IMPDH2: variants seen among roughly 807,000 people sequenced by gnomAD.
The protein encoded by IMPDH2 is inosine-5'-monophosphate dehydrogenase 2.
IMPDH2 carries 33 observed loss-of-function variants against 57.8 expected under a neutral mutation model. The ratio of observed to expected loss-of-function variants is 0.57; its 90% CI spans 0.43 to 0.76. IMPDH2 has a LOEUF of 0.76. Ranked by LOEUF, IMPDH2 falls within the 30% of genes least tolerant of loss-of-function variation. The pLI is 0.00. For missense variants in IMPDH2, 446 were observed against 659.1 expected (o/e 0.68, Z 3.54); for synonymous variants, 270 against 241.3 (o/e 1.12, Z -1.10).
At chr3:49,024,624 G>A in intron 12 of IMPDH2, 35 bp downstream of exon 12, 4 of 1,614,208 alleles carry the variant, frequency 2.5e-6, no homozygotes, top group Non-Finnish European at 3.4e-6. Flanking sequence ...CCCTGGACCA[G>A]CCCCTCTACC....
In IMPDH2 at chr3:49,029,318, G is replaced by A. The variant is rs916795121; in HGVS notation, c.33C>T (p.Ser11=). Reference sequence around the variant, plus strand: ...CTGTGAGTCCGTCGTCTGGCACGTAGGACGTGCCCCCACTAATCAGGTAGT... The same window carrying A: ...CTGTGAGTCCGTCGTCTGGCACGTAAGACGTGCCCCCACTAATCAGGTAGT... The part of the protein sequence containing the change: MADYLISGGT[S]YVPDDGLTAQ... Residue 11 remains serine (S), a synonymous_variant, in exon 1 of 14, where the codon TCC becomes TCT. Coordinates refer to ENST00000326739, the MANE Select transcript of IMPDH2 (RefSeq NM_000884.3). 1 of 1,605,498 alleles carries A rather than the reference G, an allele frequency of 6.2e-7. No homozygotes were observed. The highest frequency in any genetic ancestry group is 8.5e-7 in the Non-Finnish European group (1 of 1,176,142).
rs1056736977 is a variant in IMPDH2, at chr3:49,027,102, C to T, written c.532-55G>A. On this transcript the variant is annotated intron_variant, in intron 5 of 13. Transcript: ENST00000326739. ...CCAGTCATCGACTATGACCAGTTAA[C>T]TCTTTTCTTTCCTTCCCAAGTAGCT... 8.9e-6 allele frequency: 12 copies of T among 1,344,248 alleles called. No homozygotes were observed. The South Asian group carries it at 9.4e-5, about 10-fold the overall frequency. 83.3% of individuals were successfully genotyped at this position (1,344,248 alleles called of 1,614,324 possible).
At chr3:49,025,453 C>T (rs2093194144) in intron 9 of IMPDH2, 184 bp from the exon 10 acceptor site, 2 of 643,166 alleles carry the variant, frequency 3.1e-6, no homozygotes, top group Admixed American at 2.6e-5. Context: ...AACAGCTGTG[C>T]TGACCTCTAC....
Position 49,024,545 on chromosome 3 carries a change from C to T in IMPDH2, c.1473G>A (p.Glu491=), listed in dbSNP as rs368812294. ...CCACCTGGGCTGAGGACGTTCTCTT[C>T]TCAAACTTAAGCTCCCCAGAGTACA... ...AMMYSGELKF[E]KRTSSAQVEG... Residue 491 remains glutamate (E), a synonymous_variant, in exon 13 of 14, where the codon GAG becomes GAA. Coordinates refer to ENST00000326739, the MANE Select transcript of IMPDH2 (RefSeq NM_000884.3). 1.9e-6 allele frequency: 3 copies of T among 1,614,068 alleles called. No homozygotes were observed. Among genetic ancestry groups the T allele is most frequent in the African/African-American group, 2.7e-5 (2 of 74,918 alleles).
rs2093209299 is a variant in IMPDH2 at position 49,028,448 on chromosome 3, T to A, written c.232A>T (p.Met78Leu). The change falls in exon 3 of 14, where the codon ATG (methionine) becomes TTG (leucine). Residue 78 changes from methionine (M) to leucine (L), a missense_variant. Transcript: ENST00000326739. ...GGGCTCACCGCCATTGCTATGGCCA[T>A]CCCAGCCTCTGTGACTGTGTCCATG... ...SPMDTVTEAG[M>L]AIAMALTGGI... The A allele has an allele frequency of 6.2e-7, 1 of 1,614,036 alleles. No homozygotes were observed. The highest frequency in any genetic ancestry group is 8.5e-7 in the Non-Finnish European group (1 of 1,179,900).
rs181673103 is a variant in IMPDH2, at chr3:49,026,673, G to A, written c.819+14C>T. On this transcript the variant is annotated intron_variant, in intron 7 of 13. Coordinates refer to ENST00000326739, the MANE Select transcript of IMPDH2 (RefSeq NM_000884.3). ...CTGCCCCTATTGCCCCAACCCACCT[G>A]TGTAGCAGCTCACCAAAACCACTAC... 5.6e-6 allele frequency: 9 copies of A among 1,613,624 alleles called. 1 individual carries two copies. The African/African-American group carries it at 6.7e-5, about 12-fold the overall frequency.
rs755149790 is a variant in IMPDH2 at position 49,028,422 on chromosome 3, G to A, written c.249+9C>T. 1 of 1,612,344 alleles carries A rather than the reference G, an allele frequency of 6.2e-7. No individual in the cohort carries two copies. The highest frequency in any genetic ancestry group is 2.2e-5 in the East Asian group (1 of 44,874). On this transcript the variant is annotated intron_variant, in intron 3 of 13. Transcript: ENST00000326739. ...CCTTGCTCCTTCCCCCACACCCCAT[G>A]GGGCTCACCGCCATTGCTATGGCCA...
chr3:49,028,146 T>C (rs2093207450), intron 4 of IMPDH2, 102 bp downstream of exon 4: 5 of 1,041,874 alleles, frequency 4.8e-6, no homozygotes, highest in Non-Finnish European at 7.4e-6. Context: ...AACCCCATGG[T>C]GGGAAGAAAG....
chr3:49,025,879 T>C (rs1339855179), intron 9 of IMPDH2: 2 of 441,234 alleles, frequency 4.5e-6, no homozygotes, highest in Non-Finnish European at 9.1e-6. Flanking sequence ...ATGGTCTGTG[T>C]ATCAGTTGGC....
At position 49,028,552 on chromosome 3, in the gene IMPDH2, C is replaced by T. The variant is rs774415517; in HGVS notation, c.148-20G>A. 183 of 1,591,546 alleles carry T rather than the reference C, an allele frequency of 1.1e-4. 1 individual carries two copies. The East Asian group carries it at 4.1e-3, about 36-fold the overall frequency. ...CAGGTCCTGAGGAGACAAACGTCAA[C>T]CAGTGTGGGAAAGCATCCCTTACAC... On this transcript the variant is annotated intron_variant, in intron 2 of 13. Coordinates refer to ENST00000326739, the MANE Select transcript of IMPDH2 (RefSeq NM_000884.3).
In IMPDH2 at chr3:49,024,991, G is replaced by A; in HGVS notation, c.1200C>T (p.Tyr400=). Residue 400 remains tyrosine, a synonymous_variant, in exon 11 of 14, where the codon TAC becomes TAT. Coordinates refer to ENST00000326739, the MANE Select transcript of IMPDH2 (RefSeq NM_000884.3). ...LAATTEAPGE[Y]FFSDGIRLKK... ...TTAGCCGGATCCCATCGGAAAAGAA[G>A]TATTCACCAGGGGCCTCAGTGGTGG... 1 of 1,614,220 alleles carries A rather than the reference G, an allele frequency of 6.2e-7. No individual in the cohort carries two copies. Among genetic ancestry groups the A allele is most frequent in the Non-Finnish European group, 8.5e-7 (1 of 1,180,044 alleles).
In IMPDH2 at chr3:49,025,227, A is replaced by G; in HGVS notation, c.1049T>C (p.Val350Ala). 6.2e-7 allele frequency: 1 copy of G among 1,614,190 alleles called. No homozygotes were observed. Among genetic ancestry groups the G allele is most frequent in the Non-Finnish European group, 8.5e-7 (1 of 1,180,036 alleles). ...ACCAAAGCGCCGTGCATACTCTGAC[A>G]CCTTGTACACTGCTGTTGCTTGGGG... ...GRPQATAVYK[V>A]SEYARRFGVP... Residue 350 changes from valine to alanine, a missense_variant, in exon 10 of 14, where the codon GTG becomes GCG. Val to Ala is a moderately conservative substitution (Grantham distance 64). Transcript: ENST00000326739.
rs763525578 is a variant in IMPDH2, at chr3:49,024,394, G to T, written c.1534C>A (p.Arg512=). ...TGCTGGATCCCTTTTCAGAAAAGCCGCTTCTCATACCTGCAGGCAGAAGGA... is the reference window on the plus strand; with the variant it reads ...TGCTGGATCCCTTTTCAGAAAAGCCTCTTCTCATACCTGCAGGCAGAAGGA... The part of the protein sequence containing the change: ...GVHSLHSYEK[R]LF Residue 512 remains arginine, a synonymous_variant, in exon 14 of 14, where the codon CGG becomes AGG. Transcript: ENST00000326739. 5 of 1,613,980 alleles carry T rather than the reference G, an allele frequency of 3.1e-6. No individual in the cohort carries two copies. In the East Asian group the frequency reaches 1.1e-4, roughly 36 times the overall value.
intron 4 of IMPDH2, 27 bp from the exon 5 acceptor site, chr3:49,027,943 T>C (rs1213884394): frequency 6.4e-7 from 1 of 1,552,112 alleles, no homozygotes; most frequent in South Asian, 1.1e-5. Flanking sequence ...AGAAAGGGCA[T>C]CGCATCTTTG....
intron 11 of IMPDH2, 44 bp downstream of exon 11, chr3:49,024,851 TG>T: frequency 6.2e-7 from 1 of 1,614,158 alleles, no homozygotes. Context: ...GAGATGAGAC[TG>T]TCAGTGCAGG....
In IMPDH2 at chr3:49,024,922, G is replaced by A; in HGVS notation, c.1269C>T (p.His423=). The change falls in exon 11 of 14, where the codon CAC becomes CAT. Residue 423 remains histidine, a synonymous_variant. Transcript: ENST00000326739. ...GMGSLDAMDK[H]LSSQNRYFSE... is the part of the protein sequence containing the mutation. ...TGAAATATCTGTTCTGGCTGCTGAG[G>A]TGCTTGTCCATGGCATCGAGAGAAC... is the stretch of plus-strand genomic sequence containing the variant. The A allele has an allele frequency of 6.2e-7, 1 of 1,614,192 alleles. No homozygotes were observed. Among genetic ancestry groups the A allele is most frequent in the East Asian group, 2.2e-5 (1 of 44,894 alleles).
chr3:49,026,432 A>G lies in IMPDH2; in HGVS notation c.911-13T>C. 1 of 1,612,256 alleles carries G rather than the reference A, an allele frequency of 6.2e-7. No individual in the cohort carries two copies. Among genetic ancestry groups the G allele is most frequent in the South Asian group, 1.1e-5 (1 of 90,910 alleles). ...GCAGCAGTGACCACTATGGTGAAGG[A>G]AAGGAAAATGCTCATGTGAAGGTTA... On this transcript the variant is annotated splice_polypyrimidine_tract_variant and intron_variant, in intron 8 of 13. Coordinates refer to ENST00000326739, the MANE Select transcript of IMPDH2 (RefSeq NM_000884.3).
In IMPDH2 at chr3:49,024,427, TGA is replaced by T. The variant is rs1392293484; in HGVS notation, c.1524-25_1524-24del. The T allele has an allele frequency of 2.5e-6, 4 of 1,613,518 alleles. No homozygotes were observed. The African/African-American group carries it at 5.4e-5, about 22-fold the overall frequency. On this transcript the variant is annotated intron_variant, in intron 13 of 13. Transcript: ENST00000326739. ...TACCTGCAGGCAGAAGGACCACCTG[TGA>T]GGTGAGGGCAGGAGAAAGGAGGCAT...
chr3:49,028,237 G>C lies in IMPDH2; in HGVS notation c.324+11C>G. 1 of 1,609,308 alleles carries C rather than the reference G, an allele frequency of 6.2e-7. No individual in the cohort carries two copies. The highest frequency in any genetic ancestry group is 8.5e-7 in the Non-Finnish European group (1 of 1,175,660). On this transcript the variant is annotated intron_variant, in intron 4 of 13. Coordinates refer to ENST00000326739, the MANE Select transcript of IMPDH2 (RefSeq NM_000884.3). Reference sequence around the variant, plus strand: ...CCAGGAGCGCTTGCTAATGATCGTTGCCCTTCTGACCTTCACTTTCCGAAC... The same window carrying C: ...CCAGGAGCGCTTGCTAATGATCGTTCCCCTTCTGACCTTCACTTTCCGAAC...
Sources: allele counts gnomAD v4.1 joint callset, GRCh38; gene constraint gnomAD v4.1.1; transcripts MANE v1.5; gene names NCBI Gene and HGNC (gene_info 2026-07-23, HGNC 2026-07-21).